Variants in PDK1 observed in about 807,000 individuals in gnomAD.
The protein encoded by PDK1 is pyruvate dehydrogenase kinase 1.
A neutral mutation model predicts 54.2 loss-of-function variants in PDK1; 39 were observed. That is an observed-to-expected ratio of 0.72 (90% CI 0.56 to 0.94). The LOEUF is 0.94. PDK1 is among the 40% of genes least tolerant of loss of function. The pLI is 0.00. For missense variants in PDK1, 552 were observed against 566.0 expected, an observed-to-expected ratio of 0.98 and a Z score of 0.25; for synonymous variants, 221 against 207.1, an observed-to-expected ratio of 1.07 and a Z score of -0.58.
At chr2:172,570,113 T>A (rs997401294) in intron 7 of PDK1, among the ~76,000 whole-genome samples, 5 of 152,206 alleles carry the variant, frequency 3.3e-5, no homozygotes, top group African/African-American at 9.7e-5. Flanking sequence ...TTCGGATGCC[T>A]TTTTAGTTAC....
chr2:172,663,598 A>AG, the PDK1 span, among the ~76,000 whole-genome samples: 1 of 152,044 alleles, frequency 6.6e-6, no homozygotes, highest in Admixed American at 6.5e-5. Context: ...GCCAGGTGGG[A>AG]GGGGGTCCTG....
At chr2:172,625,718 T>C in the PDK1 span, among the ~76,000 whole-genome samples, 1 of 152,208 alleles carries the variant, frequency 6.6e-6, no homozygotes, top group Non-Finnish European at 1.5e-5. Flanking sequence ...TTATGACACC[T>C]TATTTACATT....
In PDK1 at chr2:172,601,573, A is replaced by G. The variant is rs150521123; in HGVS notation, c.*5604A>G. On this transcript the variant is annotated 3_prime_UTR_variant, in exon 11 of 11. Transcript: ENST00000282077. The stretch of plus-strand genomic sequence containing the variant: ...GCCCTGTGAAGAGGTGCCTTCCACC[A>G]TGATTGTGAGTTTCTGGAGGCTTCT... The G allele has an allele frequency of 1.4e-4, 22 of 152,340 alleles. No homozygotes were observed. The highest frequency in any genetic ancestry group is 5.1e-4 in the African/African-American group (21 of 41,564). The allele number at this position is 152,340 out of a possible 1,614,324, so 9.4% of individuals were successfully genotyped here.
the PDK1 span, among the ~76,000 whole-genome samples, chr2:172,681,861 C>G: frequency 6.6e-6 from 1 of 152,094 alleles, no homozygotes; most frequent in East Asian, 1.9e-4. Context: ...CAGGTTCAAG[C>G]GATTCTCAAG....
At chr2:172,587,738 T>C (rs1204856099) in intron 9 of PDK1, among the ~76,000 whole-genome samples, 1 of 151,884 alleles carries the variant, frequency 6.6e-6, no homozygotes, top group East Asian at 1.9e-4. Flanking sequence ...AGAGAGCTGA[T>C]TGGTCCATTT....
chr2:172,640,872 A>C, the PDK1 span, among the ~76,000 whole-genome samples: 1 of 152,140 alleles, frequency 6.6e-6, no homozygotes, highest in Non-Finnish European at 1.5e-5. Flanking sequence ...GAGAATGAAA[A>C]TCCAAATATA....
intron 2 of PDK1, among the ~76,000 whole-genome samples, 193 bp from the exon 3 acceptor site, chr2:172,562,027 C>T (rs535947464): frequency 1.3e-5 from 2 of 152,172 alleles, no homozygotes; most frequent in Non-Finnish European, 2.9e-5. Context: ...AGAAAATGTG[C>T]ACCTTCTACC....
the PDK1 span, among the ~76,000 whole-genome samples, chr2:172,719,268 A>G: frequency 6.6e-6 from 1 of 152,232 alleles, no homozygotes; most frequent in African/African-American, 2.4e-5. Context: ...AATAGTCACT[A>G]TAAATAGTCG....
At position 172,608,273 on chromosome 2, in the gene PDK1, GA is replaced by G. The variant is rs930853805; in HGVS notation, c.*12309del. 6.6e-6 allele frequency: 1 copy of G among 152,270 alleles called. No individual in the cohort carries two copies. Among genetic ancestry groups the G allele is most frequent in the Non-Finnish European group, 1.5e-5 (1 of 68,010 alleles). 9.4% of individuals were successfully genotyped at this position (152,270 alleles called of 1,614,324 possible). Reference sequence around the variant, plus strand: ...GTCAGCTACTTGGGCATTGATCAAAGAAAAATAAACATATAGAAGGAAAGAA... The same window carrying G: ...GTCAGCTACTTGGGCATTGATCAAAGAAAATAAACATATAGAAGGAAAGAA... On this transcript the variant is annotated 3_prime_UTR_variant, in exon 11 of 11. Transcript: ENST00000282077.
At chr2:172,593,867 A>G (rs1690741339) in intron 10 of PDK1, among the ~76,000 whole-genome samples, 1 of 151,472 alleles carries the variant, frequency 6.6e-6, no homozygotes, top group South Asian at 2.1e-4. Context: ...TGATTTAGTG[A>G]CTCTAGTTTC....
the PDK1 span, among the ~76,000 whole-genome samples, chr2:172,672,599 C>A: frequency 6.6e-6 from 1 of 151,792 alleles, no homozygotes; most frequent in Non-Finnish European, 1.5e-5. Context: ...TTGAGCAAGT[C>A]CATCAGTATC....
At chr2:172,585,401 C>T (rs954901603) in intron 8 of PDK1, among the ~76,000 whole-genome samples, 3 of 140,838 alleles carry the variant, frequency 2.1e-5, no homozygotes, top group Non-Finnish European at 4.5e-5. Context: ...TCTTGGCTCA[C>T]TGTGACCTCC....
chr2:172,566,807 A>G, intron 5 of PDK1, 49 bp from the exon 6 acceptor site: 1 of 1,197,650 alleles, frequency 8.3e-7, no homozygotes, highest in Non-Finnish European at 1.2e-6. Flanking sequence ...TGCGTGAAAG[A>G]GAAGTATATT....
At chr2:172,671,079 G>A in the PDK1 span, among the ~76,000 whole-genome samples, 4 of 150,110 alleles carry the variant, frequency 2.7e-5, no homozygotes, top group Non-Finnish European at 4.4e-5. Flanking sequence ...ATTCCCTGCC[G>A]TGTTTTGGGT....
chr2:172,651,101 GA>G, the PDK1 span, among the ~76,000 whole-genome samples: 2 of 152,114 alleles, frequency 1.3e-5, no homozygotes, highest in South Asian at 2.1e-4. Flanking sequence ...AGATGTAAAA[GA>G]ACAGAAATTA....
At chr2:172,572,100 G>GA (rs1446692159) in intron 8 of PDK1, among the ~76,000 whole-genome samples, 5 of 152,036 alleles carry the variant, frequency 3.3e-5, no homozygotes, top group African/African-American at 1.2e-4. Context: ...GAAGTGCTGG[G>GA]ATTACAGGCA....
chr2:172,599,768 C>G lies in PDK1; in HGVS notation c.*3799C>G, dbSNP rs1691051196. The stretch of plus-strand genomic sequence containing the variant: ...CCCTCTTTCTAGAGTCTCCACAGTT[C>G]TTTAGCAATTGCTAACCATAGGTTT... On this transcript the variant is annotated 3_prime_UTR_variant, in exon 11 of 11. Transcript: ENST00000282077. 6.6e-6 allele frequency: 1 copy of G among 152,182 alleles called. No individual in the cohort carries two copies. Among genetic ancestry groups the G allele is most frequent in the Admixed American group, 6.5e-5 (1 of 15,280 alleles). The allele number at this position is 152,182 out of a possible 1,614,324, so 9.4% of individuals were successfully genotyped here. A position where few individuals can be genotyped will look rare whatever the true frequency, so the allele number is the denominator to read the frequency against.
the PDK1 span, among the ~76,000 whole-genome samples, chr2:172,661,729 C>T: frequency 2.0e-5 from 3 of 152,090 alleles, no homozygotes; most frequent in Non-Finnish European, 4.4e-5. Context: ...CAGCATGTAA[C>T]TTGTAATTGG....
chr2:172,720,118 T>TTC, the PDK1 span, among the ~76,000 whole-genome samples: 27 of 135,324 alleles, frequency 2.0e-4, no homozygotes, highest in Non-Finnish European at 3.0e-4. Flanking sequence ...CTCTCTCTCT[T>TTC]TTTTTTTTTT....
Sources: gnomAD v4.1 joint callset for allele counts (sites outside exome capture counted in the v4.1 genomes callset) on GRCh38, gnomAD v4.1.1 for gene constraint, MANE v1.5 for transcripts, NCBI Gene and HGNC (gene_info 2026-07-23, HGNC 2026-07-21) for gene names.